INTS1: variants seen among roughly 807,000 people sequenced by gnomAD.
INTS1 encodes the protein integrator complex subunit 1.
INTS1 carries 137 observed loss-of-function variants against 241.6 expected under a neutral mutation model. That is an observed-to-expected ratio of 0.57 (90% confidence interval 0.49 to 0.65). INTS1 has a LOEUF of 0.65. Among genes scored for constraint, INTS1 ranks in the 30% least tolerant of loss-of-function variants. The pLI, the probability that INTS1 is intolerant of heterozygous loss-of-function variation, is 0.00. For missense variants in INTS1, 3,073 were observed against 3,032.2 expected (o/e 1.01, Z -0.32); for synonymous variants, 1,692 against 1,337.8 (o/e 1.26, Z -5.78).
In INTS1 at chr7:1,498,858, G is replaced by A. The variant is rs1782995229; in HGVS notation, c.1138-6C>T. 1.9e-6 allele frequency: 3 copies of A among 1,595,868 alleles called. No homozygotes were observed. The highest frequency in any genetic ancestry group is 2.6e-6 in the Non-Finnish European group (3 of 1,172,164). On this transcript the variant is annotated splice_region_variant and splice_polypyrimidine_tract_variant and intron_variant, in intron 8 of 47. Transcript: ENST00000404767. ...TCCTGGGCCGGCCGGGTCAGCTGCG[G>A]GGCCGAGGAGGGAGCAGTGGGCTCA...
At chr7:1,488,138 C>T (rs557903397) in intron 18 of INTS1, among the ~76,000 whole-genome samples, 181 bp from the exon 19 acceptor site, 3 of 152,270 alleles carry the variant, frequency 2.0e-5, no homozygotes, top group South Asian at 2.1e-4. Context: ...GACGAGAAGC[C>T]GCAGCGCTGC....
At chr7:1,476,769 A>C (rs1436820008) in intron 36 of INTS1, 25 bp downstream of exon 36, 1 of 1,612,478 alleles carries the variant, frequency 6.2e-7, no homozygotes, top group Non-Finnish European at 8.5e-7. Flanking sequence ...CGCGCAGCCC[A>C]GGTTGGGGAC....
At chr7:1,498,628 CG>C in intron 9 of INTS1, 75 bp from the exon 10 acceptor site, 1 of 1,554,562 alleles carries the variant, frequency 6.4e-7, no homozygotes, top group Non-Finnish European at 8.7e-7. Context: ...CCACTCCGCC[CG>C]CACCCCCGCT....
Position 1,486,679 on chromosome 7 carries a change from G to A in INTS1, c.2922C>T (p.Tyr974=), listed in dbSNP as rs773320302. The A allele has an allele frequency of 1.2e-6, 2 of 1,612,508 alleles. No homozygotes were observed. Among genetic ancestry groups the A allele is most frequent in the Non-Finnish European group, 1.7e-6 (2 of 1,179,734 alleles). The change falls in exon 22 of 48, where the codon TAC becomes TAT. Residue 974 remains tyrosine (Y), a synonymous_variant. Coordinates refer to ENST00000404767, the MANE Select transcript of INTS1 (RefSeq NM_001080453.3). ...GGGAGGAGCCGAGGCGCCGCAAGAA[G>A]TAGTCCAGCACCTCACACGTGGTCT... The part of the protein sequence containing the change: ...DEQTTCEVLD[Y]FLRRLGSSQV...
chr7:1,474,583 C>A, intron 40 of INTS1, 122 bp downstream of exon 40: 1 of 1,361,170 alleles, frequency 7.3e-7, no homozygotes, highest in Non-Finnish European at 9.8e-7. Context: ...TCAAGCTCAG[C>A]CCATGGGAAC....
At chr7:1,498,932 C>T (rs911131545) in intron 8 of INTS1, 43 bp downstream of exon 8, 3 of 1,482,878 alleles carry the variant, frequency 2.0e-6, no homozygotes, top group African/African-American at 1.4e-5. Flanking sequence ...CAGAGCCTGC[C>T]CCCACCCCCT....
rs559157077 is a variant in INTS1, at chr7:1,473,864, G to C, written c.5830-171C>G. On this transcript the variant is annotated intron_variant, in intron 41 of 47. Coordinates refer to ENST00000404767, the MANE Select transcript of INTS1 (RefSeq NM_001080453.3). ...AAGGGTGGCCGGCATGGCCTGTCAG[G>C]GTGTGGACATGGCTGTCTGGGGCAT... Among the ~76,000 whole-genome samples the C allele has an allele frequency of 7.9e-5, 12 of 152,370 alleles. No homozygotes were observed. The South Asian group carries it at 1.7e-3, about 21-fold the overall frequency.
chr7:1,473,639 A>C lies in INTS1; in HGVS notation c.5884T>G (p.Phe1962Val). ...LAAFINKFVQ[F>V]IHKYITYNAP... ...TTGTAGGTAATGTACTTATGGATGA[A>C]CTGCACAAACTTGTTGATGAAGGCA... Residue 1962 changes from phenylalanine (F) to valine (V), a missense_variant, in exon 42 of 48, where the codon TTC (phenylalanine) becomes GTC (valine). Physicochemically the swap from Phe to Val is conservative, Grantham distance 50 (BLOSUM62 -1). Coordinates refer to ENST00000404767, the MANE Select transcript of INTS1 (RefSeq NM_001080453.3). 6.2e-7 allele frequency: 1 copy of C among 1,613,436 alleles called. No individual in the cohort carries two copies.
chr7:1,487,602 G>A (rs1782334556), intron 19 of INTS1, 153 bp from the exon 20 acceptor site: 4 of 1,282,554 alleles, frequency 3.1e-6, no homozygotes, highest in Admixed American at 4.1e-5. Context: ...TGGCCCCACA[G>A]CAGTAAGCCA....
At position 1,477,484 on chromosome 7, in the gene INTS1, C is replaced by A. The variant is rs1244848362; in HGVS notation, c.4938+66G>T. The stretch of plus-strand genomic sequence containing the variant: ...AGGCTCGCCCAGGCCAAGGCTGCTG[C>A]ACTTCAGGTCAGGAAGAGCCTTTAC... On this transcript the variant is annotated intron_variant, in intron 35 of 47. Coordinates refer to ENST00000404767, the MANE Select transcript of INTS1 (RefSeq NM_001080453.3). The A allele has an allele frequency of 6.9e-6, 10 of 1,446,328 alleles. No individual in the cohort carries two copies. In the South Asian group the frequency reaches 1.5e-4, roughly 21 times the overall value. 89.6% of individuals were successfully genotyped at this position (1,446,328 alleles called of 1,614,324 possible).
Position 1,497,209 on chromosome 7 carries a change from T to C in INTS1, c.1531A>G (p.Asn511Asp). The change falls in exon 11 of 48, where the codon AAC (asparagine) becomes GAC (aspartate). Residue 511 changes from asparagine (N) to aspartate (D), a missense_variant. Transcript: ENST00000404767. This position sits in a 1 kb window ranked among gnomAD's most constrained non-coding sequence, Gnocchi z 5.3. ...EIIKQTKHEI[N>D]FQAFCLGLMQ... ...AGCCCCAGGCAGAAGGCCTGGAAGT[T>C]GATCTCGTGCTTGGTCTGCTTGATG... The C allele has an allele frequency of 6.2e-7, 1 of 1,612,850 alleles. No homozygotes were observed. Among genetic ancestry groups the C allele is most frequent in the East Asian group, 2.2e-5 (1 of 44,730 alleles).
intron 2 of INTS1, among the ~76,000 whole-genome samples, 189 bp downstream of exon 2, chr7:1,503,714 G>A (rs1783316175): frequency 1.3e-5 from 2 of 152,204 alleles, no homozygotes; most frequent in African/African-American, 4.8e-5. Flanking sequence ...AGTCGCCACT[G>A]TCCCAAGCCT....
intron 5 of INTS1, 45 bp downstream of exon 5, chr7:1,499,839 C>G (rs2128544755): frequency 1.3e-6 from 2 of 1,589,426 alleles, no homozygotes; most frequent in East Asian, 4.5e-5. Context: ...CTGCCCCACC[C>G]CGTGGCGCTC....
chr7:1,498,596 T>C (rs371906981), intron 9 of INTS1, 43 bp from the exon 10 acceptor site: 1 of 1,599,460 alleles, frequency 6.3e-7, no homozygotes, highest in Admixed American at 1.7e-5. Context: ...GCTACGCCTG[T>C]GCCCCCACTC....
At chr7:1,502,070 G>A (rs914182792) in intron 3 of INTS1, among the ~76,000 whole-genome samples, 1 of 152,134 alleles carries the variant, frequency 6.6e-6, no homozygotes, top group African/African-American at 2.4e-5. Context: ...TGAGGGCAAG[G>A]CCACAGCCCA....
chr7:1,473,221 G>T, intron 42 of INTS1, 37 bp from the exon 43 acceptor site: 1 of 1,468,526 alleles, frequency 6.8e-7, no homozygotes, highest in Non-Finnish European at 9.5e-7. Flanking sequence ...GGAGGAAGAC[G>T]CTGGCAGGAG....
intron 39 of INTS1, 116 bp downstream of exon 39, chr7:1,475,832 G>A: frequency 7.6e-7 from 1 of 1,312,948 alleles, no homozygotes. Flanking sequence ...CGCGGACTGG[G>A]AAGGGGCAAG....
chr7:1,471,318 G>C, intron 45 of INTS1, 94 bp from the exon 46 acceptor site: 1 of 1,307,720 alleles, frequency 7.6e-7, no homozygotes, highest in Non-Finnish European at 1.1e-6. Flanking sequence ...TGGCGGCAAC[G>C]GCAGGGACCC....
chr7:1,495,436 T>G lies in INTS1; in HGVS notation c.1829A>C (p.His610Pro). Reference protein sequence around the residue: ...ISKLAPKDYVHCLHKVLFTEQ... With the variant: ...ISKLAPKDYVPCLHKVLFTEQ... ...CTGTACAGGGCCCCAGCCGCACCAG[T>G]GCACGTAGTCCTTAGGGGCGAGCTT... The change falls in exon 13 of 48, where the codon CAC (histidine) becomes CCC (proline). Residue 610 changes from histidine to proline, a missense_variant. Transcript: ENST00000404767. 1 of 1,610,658 alleles carries G rather than the reference T, an allele frequency of 6.2e-7. No homozygotes were observed. Among genetic ancestry groups the G allele is most frequent in the Non-Finnish European group, 8.5e-7 (1 of 1,178,832 alleles).
Sources: gnomAD v4.1 joint callset for allele counts (sites outside exome capture counted in the v4.1 genomes callset) on GRCh38, gnomAD v4.1.1 for gene constraint, Gnocchi (gnomAD v3.1) non-coding constraint, MANE v1.5 for transcripts, NCBI Gene and HGNC (gene_info 2026-07-23, HGNC 2026-07-21) for gene names.